Variants in TET2 observed in about 807,000 individuals in gnomAD.
The protein encoded by TET2 is methylcytosine dioxygenase TET2.
TET2 carries 299 observed loss-of-function variants against 142.9 expected under a neutral mutation model. The observed-to-expected ratio is 2.09, with a 90% confidence interval of 1.90 to 2.30. The LOEUF is 2.30. Ranked by LOEUF, TET2 falls within the 30% of genes most tolerant of loss-of-function variation. TET2 has a pLI of 0.00. For missense variants in TET2, 2,418 were observed against 2,378.0 expected (o/e 1.02, Z -0.35); for synonymous variants, 819 against 849.0 (o/e 0.96, Z 0.61).
intron 2 of TET2, among the ~76,000 whole-genome samples, chr4:105,223,107 C>G (rs1578649394): frequency 2.0e-5 from 3 of 152,216 alleles, no homozygotes; most frequent in African/African-American, 7.2e-5. Flanking sequence ...CAGGACCATG[C>G]TCAGCAGTCC....
chr4:105,269,807 G>T, intron 9 of TET2, 60 bp downstream of exon 9: 1 of 1,522,096 alleles, frequency 6.6e-7, no homozygotes, highest in Non-Finnish European at 8.9e-7. Context: ...TGCTAATAAA[G>T]ACATATGCAA....
intron 8 of TET2, among the ~76,000 whole-genome samples, chr4:105,264,105 T>TG (rs1730575735): frequency 6.6e-6 from 1 of 151,718 alleles, no homozygotes; most frequent in Non-Finnish European, 1.5e-5. Context: ...CCCAAACATT[T>TG]TTTTTTTTTT....
At chr4:105,205,893 T>C (rs1283588222) in intron 2 of TET2, among the ~76,000 whole-genome samples, 1 of 152,082 alleles carries the variant, frequency 6.6e-6, no homozygotes, top group Non-Finnish European at 1.5e-5. Context: ...TTCAGCCTCC[T>C]AAAGTGCTAG....
rs1237638072 is a variant in TET2 at position 105,244,584 on chromosome 4, A to ATCTTTTTTTTTTTTTTTTTTTTTT, written c.3803+807_3803+808insCTTTTTTTTTTTTTTTTTTTTTTT. 8.6e-5 allele frequency among the ~76,000 whole-genome samples: 10 copies of ATCTTTTTTTTTTTTTTTTTTTTTT among 116,768 alleles called. 2 individuals are homozygous for ATCTTTTTTTTTTTTTTTTTTTTTT. Among genetic ancestry groups the ATCTTTTTTTTTTTTTTTTTTTTTT allele is most frequent in the African/African-American group, 1.8e-4 (5 of 28,472 alleles). 76.6% of individuals were successfully genotyped at this position (116,768 alleles called of 152,430 possible). On this transcript the variant is annotated intron_variant, in intron 6 of 10. Transcript: ENST00000380013. ...TGAATGTTCACGGTGCTACACAGAA[A>ATCTTTTTTTTTTTTTTTTTTTTTT]TGTTTTTTTTTTTTTTTTTTTTTTT...
At chr4:105,182,694 CA>C (rs1295667383) in intron 1 of TET2, among the ~76,000 whole-genome samples, 1 of 152,010 alleles carries the variant, frequency 6.6e-6, no homozygotes, top group Non-Finnish European at 1.5e-5. Context: ...TTAGAATGAA[CA>C]TTAGAGAATA....
chr4:105,241,253 G>A (rs1729281931), intron 3 of TET2, 86 bp from the exon 4 acceptor site: 2 of 1,426,564 alleles, frequency 1.4e-6, no homozygotes, highest in Non-Finnish European at 1.8e-6. Context: ...CCCTTAATGT[G>A]TAGTTGGGGG....
chr4:105,236,760 A>T lies in TET2; in HGVS notation c.2818A>T (p.Thr940Ser), dbSNP rs2110235496. Residue 940 changes from threonine to serine, a missense_variant, in exon 3 of 11, where the codon ACC becomes TCC. Coordinates refer to ENST00000380013, the MANE Select transcript of TET2 (RefSeq NM_001127208.3). ...TGACCAGGGAGGAAGTCACACTCAG[A>T]CCCCTCCCCAGAAGGACACTCAAAA... Reference protein sequence around the residue: ...VPDQGGSHTQTPPQKDTQKHA... With the variant: ...VPDQGGSHTQSPPQKDTQKHA... 6.2e-7 allele frequency: 1 copy of T among 1,614,020 alleles called. No individual in the cohort carries two copies. Among genetic ancestry groups the T allele is most frequent in the Non-Finnish European group, 8.5e-7 (1 of 1,179,994 alleles).
chr4:105,203,511 A>G (rs1560749217), intron 2 of TET2, among the ~76,000 whole-genome samples: 1 of 151,906 alleles, frequency 6.6e-6, no homozygotes, highest in Non-Finnish European at 1.5e-5. Flanking sequence ...ATTACATTAC[A>G]CAGAAGGGAG....
At chr4:105,187,134 C>T (rs1203501176) in intron 1 of TET2, among the ~76,000 whole-genome samples, 10 of 152,304 alleles carry the variant, frequency 6.6e-5, no homozygotes, top group Admixed American at 3.3e-4. Context: ...GAACTGCTCA[C>T]ACCATTCCAA....
Position 105,269,692 on chromosome 4 carries a change from AC to A in TET2, c.4128del (p.Phe1377SerfsTer71). On this transcript the variant is annotated frameshift_variant, in exon 9 of 11. Transcript: ENST00000380013. LOFTEE classifies it high-confidence loss of function. ...RPFSGVTACL[D>X]FCAHAHRDLH... The stretch of plus-strand genomic sequence containing the variant: ...TTCTCAGGGGTCACTGCATGTTTGG[AC>A]TTCTGTGCTCATGCCCACAGAGACT... 1 of 1,551,624 alleles carries A rather than the reference AC, an allele frequency of 6.4e-7. No homozygotes were observed. The highest frequency in any genetic ancestry group is 8.7e-7 in the Non-Finnish European group (1 of 1,146,928).
Position 105,237,059 on chromosome 4 carries a change from G to T in TET2, c.3117G>T (p.Ser1039=), listed in dbSNP as rs3796927. The change falls in exon 3 of 11, where the codon TCG becomes TCT. Residue 1039 remains serine (S), a synonymous_variant. Coordinates refer to ENST00000380013, the MANE Select transcript of TET2 (RefSeq NM_001127208.3). The stretch of plus-strand genomic sequence containing the variant: ...ATCTGAAGCAGTTTCACGCCAAGTC[G>T]TTATTTGACCATAAGGCTCTTACTC... ...EQHLKQFHAK[S]LFDHKALTLK... 3 of 1,613,990 alleles carry T rather than the reference G, an allele frequency of 1.9e-6. No homozygotes were observed. The East Asian group carries it at 6.7e-5, about 36-fold the overall frequency.
At chr4:105,233,000 C>T (rs924175997) in intron 2 of TET2, among the ~76,000 whole-genome samples, 1 of 152,080 alleles carries the variant, frequency 6.6e-6, no homozygotes, top group Non-Finnish European at 1.5e-5. Flanking sequence ...ATCAGATTTG[C>T]ATTTTACAAT....
At chr4:105,241,553 T>C (rs982315963) in intron 4 of TET2, 124 bp downstream of exon 4, 3 of 1,451,300 alleles carry the variant, frequency 2.1e-6, no homozygotes, top group Non-Finnish European at 2.7e-6. Flanking sequence ...TAGGCTTAGC[T>C]ATTCTAGGGT....
chr4:105,247,769 T>C (rs1439443596), intron 6 of TET2, among the ~76,000 whole-genome samples: 1 of 141,254 alleles, frequency 7.1e-6, no homozygotes, highest in Non-Finnish European at 1.5e-5. Context: ...TCGCTTAGGC[T>C]GGAGTGCAGT....
At chr4:105,230,682 T>C (rs1453033296) in intron 2 of TET2, among the ~76,000 whole-genome samples, 1 of 152,204 alleles carries the variant, frequency 6.6e-6, no homozygotes, top group African/African-American at 2.4e-5. Context: ...ATGTGGTTAT[T>C]CATTTATTTG....
At chr4:105,163,854 A>AGAGAGAGAGAGAGTGTGT (rs1553942671) in intron 1 of TET2, among the ~76,000 whole-genome samples, 98 of 85,200 alleles carry the variant, frequency 1.2e-3, no homozygotes, top group Non-Finnish European at 2.0e-3. Context: ...AGAGAGAGAG[A>AGAGAGAGAGAGAGTGTGT]GTGTGTGTGT....
intron 1 of TET2, among the ~76,000 whole-genome samples, chr4:105,167,208 C>A (rs1043083224): frequency 6.6e-6 from 1 of 151,818 alleles, no homozygotes. Context: ...AGTCCATTTT[C>A]TATTCTCTGA....
At chr4:105,164,192 C>G (rs1029355423) in intron 1 of TET2, among the ~76,000 whole-genome samples, 14 of 152,144 alleles carry the variant, frequency 9.2e-5, no homozygotes, top group African/African-American at 3.4e-4. Context: ...AAACCTATTT[C>G]CCCTACTACC....
chr4:105,167,246 C>T (rs945338305), intron 1 of TET2, among the ~76,000 whole-genome samples: 3 of 151,958 alleles, frequency 2.0e-5, no homozygotes, highest in East Asian at 1.9e-4. Context: ...TAGCCTATTT[C>T]GTGGCTCAAA....
Sources: gnomAD v4.1 joint callset for allele counts (sites outside exome capture counted in the v4.1 genomes callset) on GRCh38, gnomAD v4.1.1 for gene constraint, MANE v1.5 for transcripts, NCBI Gene and HGNC (gene_info 2026-07-23, HGNC 2026-07-21) for gene names.